MAML2: variants seen among roughly 807,000 people sequenced by gnomAD.
The protein encoded by MAML2 is mastermind like transcriptional coactivator 2.
Under a neutral mutation model 96.1 loss-of-function variants are expected in MAML2, and 22 were observed. That is an observed-to-expected ratio of 0.23 (90% confidence interval 0.16 to 0.33). MAML2 has a LOEUF of 0.33. Among genes scored for constraint, MAML2 ranks in the 10% least tolerant of loss-of-function variants. The pLI, the probability that MAML2 is intolerant of heterozygous loss-of-function variation, is 1.00. For missense variants in MAML2, 1,367 were observed against 1,392.4 expected (o/e 0.98, Z 0.29); for synonymous variants, 561 against 521.3 (o/e 1.08, Z -1.04).
chr11:96,169,905 G>A (rs571315502), intron 1 of MAML2, among the ~76,000 whole-genome samples: 13 of 152,094 alleles, frequency 8.5e-5, no homozygotes, highest in Non-Finnish European at 1.9e-4. Context: ...TGCCCGTCTC[G>A]GCCTCCCAAA....
At chr11:96,093,621 C>T (rs1421909824) in intron 1 of MAML2, 104 bp from the exon 2 acceptor site, 27 of 881,678 alleles carry the variant, frequency 3.1e-5, no homozygotes, top group Non-Finnish European at 4.3e-5. Flanking sequence ...TATTTACACA[C>T]AAGATTCAGT....
At chr11:96,149,222 G>A (rs1467357798) in intron 1 of MAML2, among the ~76,000 whole-genome samples, 1 of 151,822 alleles carries the variant, frequency 6.6e-6, no homozygotes, top group East Asian at 1.9e-4. Flanking sequence ...GACCAGCCTG[G>A]CCAACATGGT....
intron 1 of MAML2, among the ~76,000 whole-genome samples, chr11:96,192,889 T>C (rs1269764522): frequency 6.6e-6 from 1 of 152,248 alleles, no homozygotes; most frequent in East Asian, 1.9e-4. Context: ...TATCTGACAC[T>C]GCCTTTGTGT....
chr11:96,267,634 T>G (rs1224322952), intron 1 of MAML2, among the ~76,000 whole-genome samples: 2 of 152,102 alleles, frequency 1.3e-5, no homozygotes, highest in African/African-American at 4.8e-5. Context: ...GAATAAAAAT[T>G]CTATGTAGGG....
At chr11:96,304,467 G>C (rs954461597) in intron 1 of MAML2, among the ~76,000 whole-genome samples, 2 of 152,196 alleles carry the variant, frequency 1.3e-5, no homozygotes, top group Middle Eastern at 3.2e-3. Flanking sequence ...GAAGTACAGT[G>C]ACAGTTAAAA....
intron 1 of MAML2, among the ~76,000 whole-genome samples, chr11:96,095,274 T>A (rs374444252): frequency 2.0e-4 from 30 of 152,324 alleles, no homozygotes; most frequent in African/African-American, 7.2e-4. Context: ...ATGGCCAGGA[T>A]GCAGTATAGA....
chr11:96,234,608 CTCTT>C (rs1308442632), intron 1 of MAML2, among the ~76,000 whole-genome samples: 1 of 152,224 alleles, frequency 6.6e-6, no homozygotes, highest in African/African-American at 2.4e-5. Flanking sequence ...GTCTCTCCCT[CTCTT>C]TCTGTCTGTC....
chr11:95,992,479 G>A (rs914672231), intron 2 of MAML2, among the ~76,000 whole-genome samples: 6 of 152,104 alleles, frequency 3.9e-5, no homozygotes, highest in African/African-American at 1.4e-4. Context: ...GACTCTGCAA[G>A]ACAGTAAGCT....
At chr11:96,212,270 T>A (rs151330342) in intron 1 of MAML2, among the ~76,000 whole-genome samples, 164 of 151,898 alleles carry the variant, frequency 1.1e-3, no homozygotes, top group African/African-American at 3.7e-3. Flanking sequence ...AAGTTAAAGA[T>A]AATGGATTTA....
intron 1 of MAML2, among the ~76,000 whole-genome samples, chr11:96,298,891 A>C (rs1863339890): frequency 6.8e-6 from 1 of 146,636 alleles, no homozygotes; most frequent in African/African-American, 2.5e-5. Flanking sequence ...AAATACAAAA[A>C]AAAATTAGCT....
rs75366630 is a variant in MAML2, at chr11:96,129,261, G to A, written c.514-35744C>T. ...CTTTTTCTTTTCCTTCAAAAAAGAT[G>A]TTCTAAAAATAAGTAAAGAAGAGGT... On this transcript the variant is annotated intron_variant, in intron 1 of 4. Coordinates refer to ENST00000524717, the MANE Select transcript of MAML2 (RefSeq NM_032427.4). Among the ~76,000 whole-genome samples the A allele has an allele frequency of 7.4e-3, 1,121 of 152,232 alleles. 21 individuals are homozygous for A. The highest frequency in any genetic ancestry group is 0.026 in the African/African-American group (1,061 of 41,544).
At position 95,978,434 on chromosome 11, in the gene MAML2, T is replaced by C. The variant is rs1278635623; in HGVS notation, c.*514A>G. 5.6e-5 allele frequency: 11 copies of C among 197,514 alleles called. No homozygotes were observed. The highest frequency in any genetic ancestry group is 8.4e-5 in the Non-Finnish European group (8 of 95,446). 12.2% of individuals were successfully genotyped at this position (197,514 alleles called of 1,614,324 possible). A position where few individuals can be genotyped will look rare whatever the true frequency, so the allele number is the denominator to read the frequency against. On this transcript the variant is annotated 3_prime_UTR_variant, in exon 5 of 5. Coordinates refer to ENST00000524717, the MANE Select transcript of MAML2 (RefSeq NM_032427.4). The stretch of plus-strand genomic sequence containing the variant: ...GCTTTTTCTTAATTTGCATACTGTT[T>C]GGTTACTCCAAACAAACCTATAACA...
intron 2 of MAML2, among the ~76,000 whole-genome samples, chr11:96,030,293 T>TA (rs59459991): frequency 0.02 from 3,070 of 151,984 alleles, 105 homozygotes; most frequent in African/African-American, 0.071. Context: ...ATTGTTTTTT[T>TA]AAAAAAGGAA....
chr11:96,296,060 A>G (rs1018935259), intron 1 of MAML2, among the ~76,000 whole-genome samples: 2 of 151,680 alleles, frequency 1.3e-5, no homozygotes. Context: ...TTTAAAGTAC[A>G]TTTTCTTTTC....
chr11:96,342,114 G>A lies in MAML2; in HGVS notation c.-219C>T. 1.8e-6 allele frequency: 1 copy of A among 547,386 alleles called. No homozygotes were observed. The allele number at this position is 547,386 out of a possible 1,614,324, so 33.9% of individuals were successfully genotyped here. ...AAAGAATAGAAACCAACTGGGGGGA[G>A]GATAAGTTGGAAACAAACCCTGATT... On this transcript the variant is annotated 5_prime_UTR_variant, in exon 1 of 5. Transcript: ENST00000524717.
Position 96,016,139 on chromosome 11 carries a change from G to T in MAML2, c.2140-24416C>A, listed in dbSNP as rs755750133. Among the ~76,000 whole-genome samples, 14 of 152,036 alleles carry T rather than the reference G, an allele frequency of 9.2e-5. No homozygotes were observed. In the South Asian group the frequency reaches 1.0e-3, roughly 11 times the overall value. On this transcript the variant is annotated intron_variant, in intron 2 of 4. Transcript: ENST00000524717. ...ATGATCCACTTATATCAAGAAATCCGATTGGGTCTCTGTATCTCATGTAGA... is the reference window on the plus strand; with the variant it reads ...ATGATCCACTTATATCAAGAAATCCTATTGGGTCTCTGTATCTCATGTAGA...
intron 2 of MAML2, among the ~76,000 whole-genome samples, chr11:96,084,473 G>A (rs956752427): frequency 6.6e-6 from 1 of 152,124 alleles, no homozygotes; most frequent in African/African-American, 2.4e-5. Flanking sequence ...CCAGAGACTG[G>A]GGGATGTGGA....
intron 2 of MAML2, among the ~76,000 whole-genome samples, chr11:96,041,998 A>G: frequency 7.5e-6 from 1 of 133,064 alleles, no homozygotes; most frequent in Non-Finnish European, 1.6e-5. Flanking sequence ...TTTTTTTGAG[A>G]CAGAGTCTTG....
intron 1 of MAML2, among the ~76,000 whole-genome samples, chr11:96,191,201 C>T (rs759218535): frequency 2.0e-5 from 3 of 152,174 alleles, no homozygotes; most frequent in Admixed American, 6.5e-5. Context: ...CGCAGTGGCT[C>T]ACGACTGTAA....
Sources: allele counts gnomAD v4.1 joint callset (sites outside exome capture counted in the v4.1 genomes callset), GRCh38; gene constraint gnomAD v4.1.1; transcripts MANE v1.5; gene names NCBI Gene and HGNC (gene_info 2026-07-23, HGNC 2026-07-21).